The following RABGAP1L variants were observed in gnomAD, a reference collection of about 807,000 sequenced individuals.
RABGAP1L encodes the protein rab GTPase-activating protein 1-like.
In RABGAP1L, 63 loss-of-function variants were observed where a neutral mutation model predicts 137.7. That is an observed-to-expected ratio of 0.46 (90% CI 0.37 to 0.56). RABGAP1L has a LOEUF of 0.56. RABGAP1L is among the 20% of genes least tolerant of loss of function. The pLI, the probability that RABGAP1L is intolerant of heterozygous loss-of-function variation, is 0.00. For missense variants in RABGAP1L, 1,095 were observed against 1,244.0 expected (o/e 0.88, Z 1.80); for synonymous variants, 431 against 433.7 (o/e 0.99, Z 0.08).
intron 9 of RABGAP1L, among the ~76,000 whole-genome samples, chr1:174,278,357 G>T (rs1675186225): frequency 6.6e-6 from 1 of 152,206 alleles, no homozygotes; most frequent in African/African-American, 2.4e-5. Context: ...AGTGAGCCAA[G>T]ATCGCTCCAT....
intron 1 of RABGAP1L, among the ~76,000 whole-genome samples, chr1:174,210,635 G>A (rs1668817096): frequency 6.6e-6 from 1 of 152,114 alleles, no homozygotes; most frequent in Non-Finnish European, 1.5e-5. Context: ...AAAGTTATTG[G>A]CCTTAAAGAG....
intron 13 of RABGAP1L, among the ~76,000 whole-genome samples, chr1:174,423,958 G>T (rs1651654601): frequency 6.6e-6 from 1 of 152,108 alleles, no homozygotes; most frequent in East Asian, 1.9e-4. Context: ...AGAGGCAAAT[G>T]ATCTGACAAG....
At chr1:174,207,507 T>A (rs1668588862) in intron 1 of RABGAP1L, among the ~76,000 whole-genome samples, 1 of 152,218 alleles carries the variant, frequency 6.6e-6, no homozygotes, top group South Asian at 2.1e-4. Context: ...GCTGACTGGA[T>A]TCTTCTGGAA....
chr1:174,185,513 G>C (rs138454271), intron 1 of RABGAP1L, among the ~76,000 whole-genome samples: 1 of 152,156 alleles, frequency 6.6e-6, no homozygotes, highest in Admixed American at 6.5e-5. Context: ...ATGCTGGTTA[G>C]TATGTGATAG....
intron 19 of RABGAP1L, among the ~76,000 whole-genome samples, chr1:174,880,827 T>A (rs752413848): frequency 4.3e-4 from 65 of 152,158 alleles, no homozygotes; most frequent in Admixed American, 9.2e-4. Flanking sequence ...GCTCCAGCAA[T>A]CCTCCCACCT....
intron 13 of RABGAP1L, among the ~76,000 whole-genome samples, chr1:174,635,438 G>A (rs1405551956): frequency 2.0e-5 from 3 of 152,010 alleles, no homozygotes; most frequent in Admixed American, 2.0e-4. Context: ...GGTTTGCCTG[G>A]TTACCAGATT....
chr1:174,226,751 T>C (rs1362085147), intron 3 of RABGAP1L, among the ~76,000 whole-genome samples: 1 of 151,978 alleles, frequency 6.6e-6, no homozygotes, highest in Non-Finnish European at 1.5e-5. Flanking sequence ...AGTATTTGCA[T>C]GGTATATATT....
chr1:174,955,295 A>G (rs1386377107), intron 19 of RABGAP1L, among the ~76,000 whole-genome samples: 1 of 152,164 alleles, frequency 6.6e-6, no homozygotes, highest in Admixed American at 6.6e-5. Context: ...GTGGTTGTTG[A>G]CTGGTTTCTA....
At chr1:174,219,553 CAT>C (rs3056997) in intron 2 of RABGAP1L, among the ~76,000 whole-genome samples, 34,862 of 151,962 alleles carry the variant, frequency 0.23, 4,438 homozygotes, top group Non-Finnish European at 0.27. Flanking sequence ...GTGAATTAGA[CAT>C]AATGGTTAAA....
intron 18 of RABGAP1L, among the ~76,000 whole-genome samples, chr1:174,809,732 A>G (rs1689680151): frequency 6.6e-6 from 1 of 152,242 alleles, no homozygotes; most frequent in African/African-American, 2.4e-5. Flanking sequence ...AACCACTACC[A>G]GAGAGCTAAT....
chr1:174,955,588 G>A (rs1425764716), intron 19 of RABGAP1L, among the ~76,000 whole-genome samples: 1 of 152,126 alleles, frequency 6.6e-6, no homozygotes, highest in East Asian at 1.9e-4. Flanking sequence ...ATATGTATAT[G>A]TTTTCTAAAT....
rs188447615 is a variant in RABGAP1L at position 174,204,673 on chromosome 1, T to C, written c.-33-14452T>C. On this transcript the variant is annotated intron_variant, in intron 1 of 25. Coordinates refer to ENST00000681986, the MANE Select transcript of RABGAP1L (RefSeq NM_001366446.1). ...GCTCTGTGTCCCCATCCACATCTCA[T>C]ATTGAATTGTAATCCCCAGTGTTAG... Among the ~76,000 whole-genome samples the C allele has an allele frequency of 2.6e-5, 4 of 152,266 alleles. No individual in the cohort carries two copies. In the East Asian group the frequency reaches 5.8e-4, roughly 22 times the overall value.
intron 13 of RABGAP1L, among the ~76,000 whole-genome samples, chr1:174,412,790 C>T (rs1650093358): frequency 6.6e-6 from 1 of 152,078 alleles, no homozygotes; most frequent in African/African-American, 2.4e-5. Context: ...AAAAAGGCCC[C>T]CAGTCTCTCC....
chr1:174,555,444 T>G (rs939289313), intron 13 of RABGAP1L, among the ~76,000 whole-genome samples: 1 of 152,206 alleles, frequency 6.6e-6, no homozygotes, highest in Admixed American at 6.5e-5. Flanking sequence ...TCACCTGGTC[T>G]AATTATATGT....
chr1:174,214,510 A>G (rs1050910216), intron 1 of RABGAP1L, among the ~76,000 whole-genome samples: 5 of 152,244 alleles, frequency 3.3e-5, no homozygotes, highest in Non-Finnish European at 7.3e-5. Context: ...TGAAACTACA[A>G]AAGACCCAGA....
At chr1:174,235,049 C>G (rs1671041160) in intron 4 of RABGAP1L, among the ~76,000 whole-genome samples, 1 of 136,744 alleles carries the variant, frequency 7.3e-6, no homozygotes. Flanking sequence ...GGAGTTCACT[C>G]ATGATTTGGC....
intron 14 of RABGAP1L, among the ~76,000 whole-genome samples, chr1:174,673,999 A>C (rs944433781): frequency 2.0e-5 from 3 of 152,280 alleles, no homozygotes. Context: ...CTTTTACTGC[A>C]TATAAATTAT....
At chr1:174,446,514 T>TA (rs1397777871) in intron 13 of RABGAP1L, among the ~76,000 whole-genome samples, 2 of 152,188 alleles carry the variant, frequency 1.3e-5, no homozygotes, top group African/African-American at 2.4e-5. Flanking sequence ...ACTTCACTTT[T>TA]AAAAAATACT....
intron 8 of RABGAP1L, 93 bp downstream of exon 8, chr1:174,272,573 C>G: frequency 7.3e-7 from 1 of 1,378,446 alleles, no homozygotes; most frequent in Non-Finnish European, 9.4e-7. Flanking sequence ...GTCATATTGT[C>G]AAAATTATTT....
Sources: allele counts gnomAD v4.1 joint callset (sites outside exome capture counted in the v4.1 genomes callset), GRCh38; gene constraint gnomAD v4.1.1; transcripts MANE v1.5; gene names NCBI Gene and HGNC (gene_info 2026-07-23, HGNC 2026-07-21).